The following KSR2 variants were observed in gnomAD, a reference collection of about 807,000 sequenced individuals.
The protein encoded by KSR2 is kinase suppressor of ras 2.
Under a neutral mutation model 107.8 loss-of-function variants are expected in KSR2, and 25 were observed. That is an observed-to-expected ratio of 0.23 (90% CI 0.17 to 0.32). The LOEUF (loss-of-function observed/expected upper bound fraction) is 0.32. Among genes scored for constraint, KSR2 ranks in the 10% least tolerant of loss-of-function variants. KSR2 has a pLI of 1.00. For missense variants in KSR2, 887 were observed against 1,268.9 expected (o/e 0.70, Z 4.57); for synonymous variants, 480 against 507.0 (o/e 0.95, Z 0.71).
chr12:117,845,595 A>C (rs1892671053), intron 3 of KSR2, among the ~76,000 whole-genome samples: 1 of 152,172 alleles, frequency 6.6e-6, no homozygotes, highest in Admixed American at 6.5e-5. Context: ...GACTCTAAGT[A>C]AAAACTCTCC....
At chr12:117,862,054 A>C (rs1410913941) in intron 1 of KSR2, among the ~76,000 whole-genome samples, 1 of 148,862 alleles carries the variant, frequency 6.7e-6, no homozygotes, top group African/African-American at 2.5e-5. Context: ...GATATAATAT[A>C]TTATCATCTT....
intron 2 of KSR2, among the ~76,000 whole-genome samples, chr12:117,856,970 G>A (rs1172278421): frequency 4.6e-5 from 7 of 152,132 alleles, no homozygotes; most frequent in African/African-American, 1.7e-4. Context: ...GAAGAATAGT[G>A]GAGTCACTTA....
At chr12:117,758,591 G>A (rs1314872056) in intron 4 of KSR2, among the ~76,000 whole-genome samples, 4 of 152,130 alleles carry the variant, frequency 2.6e-5, no homozygotes, top group African/African-American at 9.7e-5. Context: ...AAAGCTTAAC[G>A]CCACCTGAGT....
At chr12:117,759,267 C>A (rs1888911213) in intron 4 of KSR2, among the ~76,000 whole-genome samples, 2 of 152,136 alleles carry the variant, frequency 1.3e-5, no homozygotes, top group Non-Finnish European at 2.9e-5. Flanking sequence ...GGGCCAGGTA[C>A]CTGTTTTTAT....
intron 1 of KSR2, among the ~76,000 whole-genome samples, chr12:117,879,964 T>A (rs1893974159): frequency 6.6e-6 from 1 of 152,118 alleles, no homozygotes; most frequent in Non-Finnish European, 1.5e-5. Context: ...CTGACCAACA[T>A]GGCAAAACCC....
Position 117,539,867 on chromosome 12 carries a change from G to A in KSR2, c.1539C>T (p.Tyr513=), listed in dbSNP as rs1876351814. ...KINKDHIPVP[Y]QPDSSSNPSS... is the part of the protein sequence containing the mutation. The stretch of plus-strand genomic sequence containing the variant: ...AGGGGTTGCTGCTGGAGTCTGGCTG[G>A]TAAGGGACAGGGATGTGGTCCTGCA... Residue 513 remains tyrosine (Y), a synonymous_variant, in exon 10 of 20, where the codon TAC becomes TAT. Coordinates refer to ENST00000339824, the MANE Select transcript of KSR2 (RefSeq NM_173598.6). 6.2e-7 allele frequency: 1 copy of A among 1,610,342 alleles called. No individual in the cohort carries two copies. The highest frequency in any genetic ancestry group is 1.1e-5 in the South Asian group (1 of 90,806).
At chr12:117,770,782 ACGGTGAAACCCTG>A (rs1889417018) in intron 3 of KSR2, among the ~76,000 whole-genome samples, 1 of 151,416 alleles carries the variant, frequency 6.6e-6, no homozygotes, top group African/African-American at 2.4e-5. Flanking sequence ...CCTGGCTAAC[ACGGTGAAACCCTG>A]TCTCTACCAA....
chr12:117,824,258 G>A (rs1891660561), intron 3 of KSR2, among the ~76,000 whole-genome samples: 1 of 152,012 alleles, frequency 6.6e-6, no homozygotes, highest in African/African-American at 2.4e-5. Context: ...AAGGGGCAGG[G>A]GGAGGGGGAG....
intron 1 of KSR2, among the ~76,000 whole-genome samples, chr12:117,965,758 C>T (rs1315143405): frequency 6.6e-6 from 1 of 152,212 alleles, no homozygotes; most frequent in East Asian, 1.9e-4. Flanking sequence ...TTCCTTGACC[C>T]TCTTGCTAAT....
chr12:117,573,096 T>C (rs1226004429), intron 7 of KSR2, among the ~76,000 whole-genome samples: 1 of 152,202 alleles, frequency 6.6e-6, no homozygotes, highest in African/African-American at 2.4e-5. Context: ...TTCGGAGTCT[T>C]AATTTCCTAT....
chr12:117,944,894 C>A (rs1454362499), intron 1 of KSR2, among the ~76,000 whole-genome samples: 1 of 151,460 alleles, frequency 6.6e-6, no homozygotes, highest in South Asian at 2.1e-4. Flanking sequence ...TAAGTTAAAA[C>A]CTAAAAAAAT....
intron 16 of KSR2, among the ~76,000 whole-genome samples, chr12:117,481,014 A>AT (rs952664150): frequency 6.6e-6 from 1 of 152,064 alleles, no homozygotes; most frequent in Non-Finnish European, 1.5e-5. Context: ...GTGAGCCGTG[A>AT]TTGCACTACT....
At chr12:117,501,239 G>A (rs1384477182) in intron 14 of KSR2, among the ~76,000 whole-genome samples, 1 of 152,214 alleles carries the variant, frequency 6.6e-6, no homozygotes, top group African/African-American at 2.4e-5. Flanking sequence ...ATTGTCTACA[G>A]CTGTTTTCAT....
At chr12:117,505,184 G>A (rs1457920256) in intron 14 of KSR2, among the ~76,000 whole-genome samples, 2 of 152,028 alleles carry the variant, frequency 1.3e-5, no homozygotes, top group Non-Finnish European at 2.9e-5. Flanking sequence ...TCCGTGTCTT[G>A]GCAATTGTGA....
chr12:117,726,528 T>C (rs1046236357), intron 4 of KSR2, among the ~76,000 whole-genome samples: 2 of 152,220 alleles, frequency 1.3e-5, no homozygotes, highest in Non-Finnish European at 2.9e-5. Flanking sequence ...CTTATCAGCA[T>C]CCTTGGTCTC....
intron 3 of KSR2, among the ~76,000 whole-genome samples, chr12:117,804,535 T>C (rs1361998356): frequency 6.6e-6 from 1 of 152,206 alleles, no homozygotes. Context: ...ACCCAGTAAA[T>C]GGCAGCCGAA....
intron 5 of KSR2, among the ~76,000 whole-genome samples, chr12:117,585,738 A>G (rs1346181203): frequency 6.6e-6 from 1 of 152,236 alleles, no homozygotes; most frequent in Non-Finnish European, 1.5e-5. Flanking sequence ...CTGCTTAACA[A>G]TCAAAGCACC....
At chr12:117,706,568 C>T (rs903895248) in intron 4 of KSR2, among the ~76,000 whole-genome samples, 3 of 151,970 alleles carry the variant, frequency 2.0e-5, no homozygotes, top group Middle Eastern at 3.4e-3. Context: ...GACAGAAAGC[C>T]GATCAGTGGT....
At chr12:117,488,951 T>C (rs1872609464) in intron 14 of KSR2, among the ~76,000 whole-genome samples, 1 of 152,186 alleles carries the variant, frequency 6.6e-6, no homozygotes. Context: ...AAATATGATA[T>C]ATACTTATAA....
Sources: gnomAD v4.1 joint callset for allele counts (sites outside exome capture counted in the v4.1 genomes callset) on GRCh38, gnomAD v4.1.1 for gene constraint, MANE v1.5 for transcripts, NCBI Gene and HGNC (gene_info 2026-07-23, HGNC 2026-07-21) for gene names.